ZNF385D: variants seen among roughly 807,000 people sequenced by gnomAD.
The protein encoded by ZNF385D is zinc finger protein 385D.
Under a neutral mutation model 35.8 loss-of-function variants are expected in ZNF385D, and 15 were observed. The observed-to-expected ratio is 0.42, with a 90% confidence interval of 0.28 to 0.64. The LOEUF is 0.64. ZNF385D is among the 30% of genes least tolerant of loss of function. The pLI is 0.23. For missense variants in ZNF385D, 474 were observed against 494.6 expected, an observed-to-expected ratio of 0.96 and a Z score of 0.39; for synonymous variants, 212 against 186.8, an observed-to-expected ratio of 1.13 and a Z score of -1.10.
chr3:21,815,690 A>AGCCT (rs1247688994), intron 3 of ZNF385D, among the ~76,000 whole-genome samples: 2 of 152,206 alleles, frequency 1.3e-5, no homozygotes, highest in African/African-American at 4.8e-5. Flanking sequence ...AATAATTAAT[A>AGCCT]GCCTACCAAC....
intron 3 of ZNF385D, among the ~76,000 whole-genome samples, chr3:21,929,264 C>G (rs928140729): frequency 6.6e-6 from 1 of 151,936 alleles, no homozygotes; most frequent in Admixed American, 6.6e-5. Context: ...AAATATTATA[C>G]TCATTTATCA....
intron 2 of ZNF385D, among the ~76,000 whole-genome samples, chr3:22,298,362 A>G (rs1274734216): frequency 2.0e-5 from 3 of 146,906 alleles, no homozygotes; most frequent in South Asian, 2.2e-4. Flanking sequence ...AGAAGAGGAG[A>G]AAGCAGTATG....
chr3:22,218,202 T>C (rs1698014208), intron 2 of ZNF385D, among the ~76,000 whole-genome samples: 1 of 152,160 alleles, frequency 6.6e-6, no homozygotes, highest in Non-Finnish European at 1.5e-5. Context: ...TACACCTTTA[T>C]ATTATTGAGT....
At chr3:22,357,474 C>T (rs1352414172) in intron 2 of ZNF385D, among the ~76,000 whole-genome samples, 1 of 151,746 alleles carries the variant, frequency 6.6e-6, no homozygotes, top group Non-Finnish European at 1.5e-5. Context: ...CTTGGAAGTG[C>T]AGATATAAAT....
chr3:21,457,609 C>T (rs1020441930), intron 4 of ZNF385D, among the ~76,000 whole-genome samples: 1 of 152,154 alleles, frequency 6.6e-6, no homozygotes, highest in African/African-American at 2.4e-5. Flanking sequence ...CTGCCTTGGT[C>T]TCCCAAAGTG....
chr3:21,873,695 A>G (rs958680257), intron 3 of ZNF385D, among the ~76,000 whole-genome samples: 1 of 152,076 alleles, frequency 6.6e-6, no homozygotes, highest in East Asian at 1.9e-4. Flanking sequence ...GATGAGTTTG[A>G]CCACTTTAGA....
intron 3 of ZNF385D, among the ~76,000 whole-genome samples, chr3:21,932,781 T>C (rs1490952099): frequency 2.0e-5 from 3 of 152,102 alleles, no homozygotes; most frequent in African/African-American, 4.8e-5. Context: ...TCCCAGAAAG[T>C]GCTACAGAAT....
rs1256308133 is a variant in ZNF385D at position 21,414,412 on chromosome 3, A to G, written c.*6802T>C. 1 of 152,166 alleles carries G rather than the reference A, an allele frequency of 6.6e-6. No individual in the cohort carries two copies. The highest frequency in any genetic ancestry group is 1.5e-5 in the Non-Finnish European group (1 of 68,014). The allele number at this position is 152,166 out of a possible 1,614,324, so 9.4% of individuals were successfully genotyped here. On this transcript the variant is annotated 3_prime_UTR_variant, in exon 8 of 8. Coordinates refer to ENST00000281523, the MANE Select transcript of ZNF385D (RefSeq NM_024697.3). ...TTTCAGGACAAAAGAGAAAGCTAATATAGCTACAAATGATGTAGCTTTGGC... is the reference window on the plus strand; with the variant it reads ...TTTCAGGACAAAAGAGAAAGCTAATGTAGCTACAAATGATGTAGCTTTGGC...
intron 3 of ZNF385D, among the ~76,000 whole-genome samples, chr3:21,913,451 C>G (rs1700060259): frequency 6.6e-6 from 1 of 152,056 alleles, no homozygotes; most frequent in Non-Finnish European, 1.5e-5. Context: ...TACAAATTCA[C>G]TCGAAAGCAT....
chr3:22,325,104 G>T (rs910576991), intron 2 of ZNF385D, among the ~76,000 whole-genome samples: 30 of 152,302 alleles, frequency 2.0e-4, no homozygotes, highest in African/African-American at 6.3e-4. Context: ...TATATAAAGT[G>T]TAATTATGTA....
chr3:22,148,044 T>C (rs1335554445), intron 3 of ZNF385D, among the ~76,000 whole-genome samples: 1 of 152,200 alleles, frequency 6.6e-6, no homozygotes, highest in East Asian at 1.9e-4. Flanking sequence ...AAATGTAGTT[T>C]GATTGTGGCT....
At chr3:21,997,653 TATTTCTCTTTCAC>T (rs760550565) in intron 3 of ZNF385D, among the ~76,000 whole-genome samples, 11 of 152,244 alleles carry the variant, frequency 7.2e-5, no homozygotes, top group South Asian at 2.1e-4. Context: ...TATCATAGTT[TATTTCTCTTTCAC>T]ATTTCTCTCT....
At chr3:22,243,794 T>C (rs561862403) in intron 2 of ZNF385D, among the ~76,000 whole-genome samples, 2 of 150,540 alleles carry the variant, frequency 1.3e-5, no homozygotes, top group South Asian at 4.4e-4. Flanking sequence ...GAAAGTTGGT[T>C]TGGAGGTGAG....
intron 2 of ZNF385D, among the ~76,000 whole-genome samples, chr3:22,186,298 A>T (rs1032594156): frequency 6.6e-6 from 1 of 152,166 alleles, no homozygotes; most frequent in African/African-American, 2.4e-5. Flanking sequence ...ATGAGTTCAG[A>T]AGTAATTTGA....
intron 3 of ZNF385D, among the ~76,000 whole-genome samples, chr3:21,768,956 G>A (rs1452169001): frequency 6.6e-6 from 1 of 151,924 alleles, no homozygotes; most frequent in African/African-American, 2.4e-5. Flanking sequence ...CATTCCCAGG[G>A]AAAGTCACAG....
intron 2 of ZNF385D, among the ~76,000 whole-genome samples, chr3:22,273,401 T>G (rs1336865243): frequency 3.9e-5 from 6 of 151,974 alleles, no homozygotes; most frequent in South Asian, 2.1e-4. Context: ...AGGGGTGATT[T>G]TAAATATTTG....
intron 2 of ZNF385D, among the ~76,000 whole-genome samples, chr3:22,285,580 G>A (rs4619805): frequency 0.077 from 11,649 of 151,888 alleles, 1,163 homozygotes; most frequent in African/African-American, 0.23. Context: ...TGTGCACAAC[G>A]TGCAAGTTAG....
chr3:21,978,454 G>C (rs1192512503), intron 3 of ZNF385D, among the ~76,000 whole-genome samples: 1 of 152,176 alleles, frequency 6.6e-6, no homozygotes, highest in Admixed American at 6.5e-5. Context: ...CATAACCCAG[G>C]AACTATGCCA....
At chr3:22,109,024 A>G (rs962709655) in intron 3 of ZNF385D, among the ~76,000 whole-genome samples, 1 of 152,160 alleles carries the variant, frequency 6.6e-6, no homozygotes, top group Non-Finnish European at 1.5e-5. Flanking sequence ...AAAACAAAAC[A>G]AAACCATGTA....
Sources: gnomAD v4.1 joint callset for allele counts (sites outside exome capture counted in the v4.1 genomes callset) on GRCh38, gnomAD v4.1.1 for gene constraint, MANE v1.5 for transcripts, NCBI Gene and HGNC (gene_info 2026-07-23, HGNC 2026-07-21) for gene names.